The following ADGRA3 variants were observed in gnomAD, a reference collection of about 807,000 sequenced individuals.
ADGRA3 encodes the protein G-protein coupled receptor 125.
A neutral mutation model predicts 119.8 loss-of-function variants in ADGRA3; 56 were observed. The ratio of observed to expected loss-of-function variants is 0.47; its 90% CI spans 0.38 to 0.58. The LOEUF is 0.58. Ranked by LOEUF, ADGRA3 falls within the 20% of genes least tolerant of loss-of-function variation. ADGRA3 has a pLI of 0.00. For missense variants in ADGRA3, 1,516 were observed against 1,649.0 expected (o/e 0.92, Z 1.40); for synonymous variants, 607 against 623.8 (o/e 0.97, Z 0.40).
intron 11 of ADGRA3, among the ~76,000 whole-genome samples, chr4:22,421,546 TCAC>T (rs1233917735): frequency 2.0e-5 from 3 of 152,196 alleles, no homozygotes; most frequent in Non-Finnish European, 2.9e-5. Flanking sequence ...CCTATTTCTT[TCAC>T]AGGAAGATCA....
intron 16 of ADGRA3, chr4:22,398,017 A>G (rs1577322564): frequency 2.1e-6 from 2 of 955,332 alleles, no homozygotes; most frequent in Non-Finnish European, 2.5e-6. Flanking sequence ...AGTCAGCGAC[A>G]TGAAGAAGAG....
chr4:22,391,195 C>T (rs114500738), intron 17 of ADGRA3, among the ~76,000 whole-genome samples: 2,040 of 152,226 alleles, frequency 0.013, 35 homozygotes, highest in African/African-American at 0.047. Flanking sequence ...ATGTCTCCTG[C>T]TCCTCCTAGA....
intron 1 of ADGRA3, among the ~76,000 whole-genome samples, chr4:22,487,984 G>A (rs892941134): frequency 2.0e-5 from 3 of 151,928 alleles, no homozygotes; most frequent in African/African-American, 7.3e-5. Flanking sequence ...CGGATGTCAG[G>A]GTACCCAGAT....
intron 10 of ADGRA3, among the ~76,000 whole-genome samples, chr4:22,434,180 G>A (rs575013418): frequency 1.4e-5 from 2 of 144,644 alleles, no homozygotes; most frequent in African/African-American, 5.1e-5. Flanking sequence ...ATATACATTA[G>A]ATATATCTAA....
intron 2 of ADGRA3, among the ~76,000 whole-genome samples, chr4:22,470,607 T>C (rs1195094650): frequency 6.6e-6 from 1 of 152,214 alleles, no homozygotes; most frequent in Non-Finnish European, 1.5e-5. Context: ...CACCATACCC[T>C]ATCTGCTGTA....
intron 6 of ADGRA3, 139 bp downstream of exon 6, chr4:22,444,834 A>G: frequency 2.4e-6 from 2 of 831,152 alleles, no homozygotes; most frequent in Non-Finnish European, 3.7e-6. Flanking sequence ...CATAAACTAA[A>G]TATTATCAAA....
intron 1 of ADGRA3, among the ~76,000 whole-genome samples, chr4:22,475,085 C>T (rs551081897): frequency 8.7e-4 from 133 of 152,200 alleles, no homozygotes; most frequent in African/African-American, 3.1e-3. Context: ...CATATCAGAG[C>T]CTTTTCTTTT....
chr4:22,451,848 G>T (rs1241148983), intron 4 of ADGRA3, among the ~76,000 whole-genome samples: 1 of 152,152 alleles, frequency 6.6e-6, no homozygotes, highest in Non-Finnish European at 1.5e-5. Flanking sequence ...GAAGATCTCT[G>T]ATTCCTAATC....
intron 3 of ADGRA3, among the ~76,000 whole-genome samples, chr4:22,455,308 A>C (rs538203729): frequency 3.9e-5 from 6 of 152,342 alleles, no homozygotes; most frequent in Middle Eastern, 3.4e-3. Context: ...GCAGTTGGAG[A>C]ACTGAGCCCA....
chr4:22,408,989 C>T (rs933237897), intron 14 of ADGRA3, among the ~76,000 whole-genome samples: 3 of 152,172 alleles, frequency 2.0e-5, no homozygotes, highest in East Asian at 1.9e-4. Context: ...CATGTAATGA[C>T]AGGAAAGAAC....
At chr4:22,398,057 C>G in intron 16 of ADGRA3, 2 of 984,794 alleles carry the variant, frequency 2.0e-6, no homozygotes, top group Non-Finnish European at 2.4e-6. Context: ...GAGGAGCTAT[C>G]TTCTACACAT....
At chr4:22,448,133 A>G (rs1481085589) in intron 4 of ADGRA3, among the ~76,000 whole-genome samples, 1 of 152,204 alleles carries the variant, frequency 6.6e-6, no homozygotes, top group African/African-American at 2.4e-5. Context: ...AGAAACCCCT[A>G]TTCTACAATG....
At position 22,430,008 on chromosome 4, in the gene ADGRA3, C is replaced by T. The variant is rs78725868; in HGVS notation, c.1443+5303G>A. On this transcript the variant is annotated intron_variant, in intron 10 of 18. Coordinates refer to ENST00000334304, the MANE Select transcript of ADGRA3 (RefSeq NM_145290.4). ...GCTGTTTTTGTGATAGTAAGTCTCA[C>T]GATATCTGATGGTATTATAAAGAGA... 3.3e-5 allele frequency among the ~76,000 whole-genome samples: 5 copies of T among 152,096 alleles called. No individual in the cohort carries two copies. The East Asian group carries it at 7.7e-4, about 23-fold the overall frequency.
At chr4:22,437,023 TG>T (rs1034242052) in intron 8 of ADGRA3, among the ~76,000 whole-genome samples, 1 of 152,210 alleles carries the variant, frequency 6.6e-6, no homozygotes, top group African/African-American at 2.4e-5. Flanking sequence ...AATAATTCAT[TG>T]ATCTATAAAC....
At chr4:22,403,099 TCAGA>T (rs1714741220) in intron 14 of ADGRA3, among the ~76,000 whole-genome samples, 2 of 152,090 alleles carry the variant, frequency 1.3e-5, no homozygotes, top group Admixed American at 1.3e-4. Context: ...TTTAGGCAAT[TCAGA>T]AAGCATAACC....
intron 1 of ADGRA3, among the ~76,000 whole-genome samples, chr4:22,499,162 A>T (rs1417666318): frequency 3.9e-5 from 6 of 152,356 alleles, no homozygotes; most frequent in Non-Finnish European, 2.9e-5. Flanking sequence ...TTATAATGCA[A>T]TATAATGGTA....
chr4:22,392,045 T>C (rs980959207), intron 17 of ADGRA3, among the ~76,000 whole-genome samples: 1 of 152,176 alleles, frequency 6.6e-6, no homozygotes, highest in East Asian at 1.9e-4. Flanking sequence ...CAGTGACATA[T>C]CAGGCATTCA....
intron 4 of ADGRA3, among the ~76,000 whole-genome samples, chr4:22,449,971 T>C (rs1311591908): frequency 6.6e-6 from 1 of 152,192 alleles, no homozygotes; most frequent in African/African-American, 2.4e-5. Flanking sequence ...GCCATCTTCT[T>C]AGTAAATCCC....
At position 22,508,964 on chromosome 4, in the gene ADGRA3, G is replaced by A. The variant is rs529550048; in HGVS notation, c.257+6564C>T. 6.6e-5 allele frequency among the ~76,000 whole-genome samples: 10 copies of A among 152,104 alleles called. 1 individual carries two copies. Among genetic ancestry groups the A allele is most frequent in the African/African-American group, 2.4e-4 (10 of 41,478 alleles). On this transcript the variant is annotated intron_variant, in intron 1 of 18. Transcript: ENST00000334304. ...AAAATTCCCTCTTCGTCCCACCTGC[G>A]CCCCACTGCCCTCACGCCTGCCTTG... is the stretch of plus-strand genomic sequence containing the variant.
Sources: allele counts gnomAD v4.1 joint callset (sites outside exome capture counted in the v4.1 genomes callset), GRCh38; gene constraint gnomAD v4.1.1; transcripts MANE v1.5; gene names NCBI Gene and HGNC (gene_info 2026-07-23, HGNC 2026-07-21).